Variants in MAD1L1 observed in about 807,000 individuals in gnomAD.
MAD1L1 encodes the protein mitotic spindle assembly checkpoint protein MAD1.
MAD1L1 carries 95 observed loss-of-function variants against 96.9 expected under a neutral mutation model. That is an observed-to-expected ratio of 0.98 (90% confidence interval 0.83 to 1.16). MAD1L1 has a LOEUF of 1.16. Ranked by LOEUF, MAD1L1 falls within the 50% of genes most tolerant of loss-of-function variation. The pLI is 0.00. For missense variants in MAD1L1, 1,007 were observed against 954.4 expected (o/e 1.06, Z -0.73); for synonymous variants, 473 against 396.6 (o/e 1.19, Z -2.29).
At chr7:2,024,740 G>A (rs764188600) in intron 12 of MAD1L1, among the ~76,000 whole-genome samples, 33 of 152,084 alleles carry the variant, frequency 2.2e-4, no homozygotes, top group East Asian at 3.8e-4. Context: ...TCACTTTGGC[G>A]ACGACCCCAG....
At chr7:1,873,989 C>G (rs549151615) in intron 18 of MAD1L1, among the ~76,000 whole-genome samples, 2 of 152,140 alleles carry the variant, frequency 1.3e-5, no homozygotes, top group African/African-American at 4.8e-5. Flanking sequence ...AGGGTCAGTT[C>G]CGGTGGGGAG....
chr7:2,012,505 G>A (rs1488038970), intron 13 of MAD1L1, among the ~76,000 whole-genome samples: 1 of 152,230 alleles, frequency 6.6e-6, no homozygotes, highest in East Asian at 1.9e-4. Context: ...AGCCTTTCCC[G>A]TGACGACTGA....
chr7:1,918,589 C>T (rs185241055), intron 17 of MAD1L1, among the ~76,000 whole-genome samples: 1 of 152,326 alleles, frequency 6.6e-6, no homozygotes, highest in African/African-American at 2.4e-5. Flanking sequence ...CTTCCTCTAC[C>T]CCGCTCACCT....
chr7:2,002,156 G>C (rs777209523), intron 13 of MAD1L1, 35 bp from the exon 14 acceptor site: 168 of 1,601,080 alleles, frequency 1.0e-4, no homozygotes, highest in Admixed American at 2.5e-4. Flanking sequence ...CTGAGACTGT[G>C]GTGGGCCAGG....
rs150023995 is a variant in MAD1L1 at position 2,060,568 on chromosome 7, C to A, written c.1218+8626G>T. Among the ~76,000 whole-genome samples the A allele has an allele frequency of 4.7e-3, 720 of 152,198 alleles. 10 individuals are homozygous for A. The highest frequency in any genetic ancestry group is 0.016 in the African/African-American group (657 of 41,512). On this transcript the variant is annotated intron_variant, in intron 12 of 18. Transcript: ENST00000265854. ...GCTAATGCTGTGCTTCACCTGGACA[C>A]AGGGAAACACTGGAAGGAGGAGGCA...
intron 18 of MAD1L1, among the ~76,000 whole-genome samples, chr7:1,877,675 A>G (rs1480332572): frequency 2.0e-5 from 3 of 152,208 alleles, no homozygotes; most frequent in Non-Finnish European, 4.4e-5. Context: ...AGGTAGATTA[A>G]AAGATTAGAA....
At chr7:1,850,598 G>T (rs914919940) in intron 18 of MAD1L1, among the ~76,000 whole-genome samples, 2 of 152,194 alleles carry the variant, frequency 1.3e-5, no homozygotes, top group African/African-American at 4.8e-5. Context: ...CGGCAGAGCC[G>T]GCCTGGGCCG....
intron 12 of MAD1L1, among the ~76,000 whole-genome samples, chr7:2,022,449 G>A (rs1434865291): frequency 6.6e-6 from 1 of 152,140 alleles, no homozygotes; most frequent in Admixed American, 6.5e-5. Flanking sequence ...TGGCCAACAT[G>A]GCGAAACCCT....
At chr7:2,218,079 G>A (rs745906960) in intron 6 of MAD1L1, 36 bp from the exon 7 acceptor site, 9 of 1,535,662 alleles carry the variant, frequency 5.9e-6, no homozygotes, top group Non-Finnish European at 7.2e-6. Flanking sequence ...ACAGAAACAG[G>A]CATGCGGCAA....
intron 18 of MAD1L1, among the ~76,000 whole-genome samples, chr7:1,842,372 G>A (rs1209473755): frequency 2.6e-5 from 4 of 152,230 alleles, no homozygotes; most frequent in African/African-American, 9.6e-5. Context: ...GAGGCCTGAG[G>A]TGGCCTTGCC....
intron 12 of MAD1L1, among the ~76,000 whole-genome samples, chr7:2,019,612 G>A (rs73281311): frequency 0.04 from 6,130 of 152,266 alleles, 187 homozygotes; most frequent in East Asian, 0.087. Flanking sequence ...GGCCACTTAC[G>A]GCCACAGGGG....
chr7:2,008,773 G>GC (rs1000587774), intron 13 of MAD1L1, among the ~76,000 whole-genome samples: 4 of 127,398 alleles, frequency 3.1e-5, no homozygotes, highest in South Asian at 6.0e-4. Context: ...GGAAGCTCAG[G>GC]GGGGGAAGGA....
At position 2,103,522 on chromosome 7, in the gene MAD1L1, G is replaced by A. The variant is rs566950350; in HGVS notation, c.1074-34184C>T. 6.6e-6 allele frequency among the ~76,000 whole-genome samples: 1 copy of A among 152,242 alleles called. No individual in the cohort carries two copies. Among genetic ancestry groups the A allele is most frequent in the African/African-American group, 2.4e-5 (1 of 41,540 alleles). ...CACAGCGGCGGGGCTCTCGACCACC[G>A]TGCTCTTTGTTGGGCGGGGCAACCG... On this transcript the variant is annotated intron_variant, in intron 11 of 18. Transcript: ENST00000265854. This position sits in a 1 kb window ranked among gnomAD's most constrained non-coding sequence, Gnocchi z 4.3.
At chr7:1,849,062 A>AAATG (rs1214946190) in intron 18 of MAD1L1, 10 of 102,828 alleles carry the variant, frequency 9.7e-5, no homozygotes, top group Admixed American at 2.3e-4. Flanking sequence ...ACACACACAC[A>AAATG]CACACACACA....
chr7:1,945,783 A>G (rs1397134892), intron 16 of MAD1L1, among the ~76,000 whole-genome samples: 1 of 152,196 alleles, frequency 6.6e-6, no homozygotes, highest in African/African-American at 2.4e-5. Flanking sequence ...AGGGCTCTGC[A>G]TGGCGTGGCT....
At chr7:1,861,023 CT>C (rs1241152417) in intron 18 of MAD1L1, among the ~76,000 whole-genome samples, 1 of 152,248 alleles carries the variant, frequency 6.6e-6, no homozygotes, top group African/African-American at 2.4e-5. Flanking sequence ...TGGCCCGCCC[CT>C]CCCCTCGGAA....
chr7:1,853,641 C>T (rs566717521), intron 18 of MAD1L1, among the ~76,000 whole-genome samples: 2 of 152,314 alleles, frequency 1.3e-5, no homozygotes, highest in East Asian at 3.9e-4. Flanking sequence ...CGCCGCCCTG[C>T]ACACCCACAC....
chr7:1,946,296 C>A (rs944920080), intron 16 of MAD1L1, among the ~76,000 whole-genome samples: 3 of 152,136 alleles, frequency 2.0e-5, no homozygotes, highest in Admixed American at 1.3e-4. Context: ...GCCCCGTGCA[C>A]CCCACCCACC....
At chr7:2,132,931 C>T (rs1165695685) in intron 11 of MAD1L1, among the ~76,000 whole-genome samples, 1 of 152,254 alleles carries the variant, frequency 6.6e-6, no homozygotes, top group Non-Finnish European at 1.5e-5. Context: ...TGCTGAAGAG[C>T]AGTCCTCACT....
Sources: gnomAD v4.1 joint callset for allele counts (sites outside exome capture counted in the v4.1 genomes callset) on GRCh38, gnomAD v4.1.1 for gene constraint, Gnocchi (gnomAD v3.1) non-coding constraint, MANE v1.5 for transcripts, NCBI Gene and HGNC (gene_info 2026-07-23, HGNC 2026-07-21) for gene names.